Variants in FKBP5 observed in about 807,000 individuals in gnomAD.
FKBP5 encodes FKBP prolyl isomerase 5.
A neutral mutation model predicts 50.5 loss-of-function variants in FKBP5; 23 were observed. That is an observed-to-expected ratio of 0.46 (90% CI 0.33 to 0.65). The LOEUF is 0.65. Among genes scored for constraint, FKBP5 ranks in the 30% least tolerant of loss-of-function variants. The pLI, the probability that FKBP5 is intolerant of heterozygous loss-of-function variation, is 0.02. For synonymous variants in FKBP5, 176 were observed against 190.6 expected (o/e 0.92, Z 0.63); for missense variants, 411 against 553.1 (o/e 0.74, Z 2.58).
chr6:35,589,673 A>G (rs1561846876), intron 7 of FKBP5, among the ~76,000 whole-genome samples: 1 of 152,246 alleles, frequency 6.6e-6, no homozygotes, highest in African/African-American at 2.4e-5. Flanking sequence ...GTAAAGCCAT[A>G]GGTCTAAATA....
chr6:35,726,980 G>A (rs572922418), intron 1 of FKBP5, among the ~76,000 whole-genome samples: 7 of 152,212 alleles, frequency 4.6e-5, no homozygotes, highest in East Asian at 3.8e-4. Flanking sequence ...ACGCTGTGCC[G>A]TGAGAAAGGT....
chr6:35,716,391 A>G (rs1766512745), intron 2 of FKBP5, among the ~76,000 whole-genome samples: 1 of 152,108 alleles, frequency 6.6e-6, no homozygotes, highest in South Asian at 2.1e-4. Context: ...AATAGGGAAG[A>G]CAACAGGAAG....
At chr6:35,637,464 T>A (rs1443771634) in intron 2 of FKBP5, among the ~76,000 whole-genome samples, 2 of 139,460 alleles carry the variant, frequency 1.4e-5, no homozygotes, top group Non-Finnish European at 3.1e-5. Context: ...ACTCTTTTTT[T>A]TTTTTTTTTT....
At chr6:35,716,302 G>A (rs1473441458) in intron 2 of FKBP5, among the ~76,000 whole-genome samples, 1 of 152,164 alleles carries the variant, frequency 6.6e-6, no homozygotes, top group African/African-American at 2.4e-5. Flanking sequence ...GAGCCCAGGA[G>A]TCCAAGGTTG....
At chr6:35,576,447 GGAACCCTT>G (rs1376214571) in intron 10 of FKBP5, among the ~76,000 whole-genome samples, 1 of 152,122 alleles carries the variant, frequency 6.6e-6, no homozygotes, top group African/African-American at 2.4e-5. Context: ...CAAAGCAGGA[GGAACCCTT>G]GAAGCCAGGG....
intron 8 of FKBP5, chr6:35,586,251 G>A (rs1762594623): frequency 4.1e-6 from 4 of 984,998 alleles, no homozygotes; most frequent in South Asian, 9.4e-5. Flanking sequence ...TAAGATCTAA[G>A]TGAGAAAATA....
At chr6:35,634,145 T>TA (rs1209875588) in intron 3 of FKBP5, among the ~76,000 whole-genome samples, 2 of 152,102 alleles carry the variant, frequency 1.3e-5, no homozygotes, top group Non-Finnish European at 2.9e-5. Context: ...AGATAACTGC[T>TA]AAAAGGACCT....
chr6:35,592,247 C>CCT (rs143799894), intron 6 of FKBP5, among the ~76,000 whole-genome samples: 55 of 152,312 alleles, frequency 3.6e-4, no homozygotes, highest in African/African-American at 1.3e-3. Context: ...TAATCTAATA[C>CCT]CTCCAGTTTT....
At chr6:35,682,935 T>C (rs569623769) in intron 1 of FKBP5, among the ~76,000 whole-genome samples, 84 of 150,176 alleles carry the variant, frequency 5.6e-4, no homozygotes, top group African/African-American at 2.0e-3. Flanking sequence ...AAAAAGTATA[T>C]ATATATATAT....
intron 8 of FKBP5, chr6:35,582,243 C>T (rs1762455123): frequency 1.0e-6 from 1 of 985,402 alleles, no homozygotes; most frequent in Non-Finnish European, 1.2e-6. Context: ...TTCATAAGAA[C>T]ACGAAACCAG....
At chr6:35,600,322 G>A (rs1276686839) in intron 5 of FKBP5, among the ~76,000 whole-genome samples, 1 of 152,054 alleles carries the variant, frequency 6.6e-6, no homozygotes, top group South Asian at 2.1e-4. Flanking sequence ...AGAGGCTGAG[G>A]TGGGAGGATT....
At chr6:35,714,672 C>T (rs183975200) in intron 2 of FKBP5, among the ~76,000 whole-genome samples, 6 of 151,600 alleles carry the variant, frequency 4.0e-5, no homozygotes, top group Non-Finnish European at 8.8e-5. Flanking sequence ...CAAAAATTAG[C>T]TGAGCATGGT....
At chr6:35,603,218 TACAGAG>T (rs1675876768) in intron 5 of FKBP5, among the ~76,000 whole-genome samples, 1 of 152,238 alleles carries the variant, frequency 6.6e-6, no homozygotes. Flanking sequence ...AGTGTGGATA[TACAGAG>T]ACAAACTAAA....
chr6:35,606,901 G>C (rs919567466), intron 5 of FKBP5, among the ~76,000 whole-genome samples: 8 of 152,086 alleles, frequency 5.3e-5, no homozygotes, highest in African/African-American at 1.9e-4. Context: ...CAGAAAGATA[G>C]CTGGCATTTA....
intron 1 of FKBP5, among the ~76,000 whole-genome samples, chr6:35,725,625 C>T (rs1766693087): frequency 2.0e-5 from 3 of 152,098 alleles, no homozygotes. Context: ...AAGCAGGAGA[C>T]TCATTTCTTG....
chr6:35,674,888 T>A (rs1765485475), intron 1 of FKBP5, among the ~76,000 whole-genome samples: 1 of 152,210 alleles, frequency 6.6e-6, no homozygotes. Context: ...CCACTTACCA[T>A]TGGATCTAGG....
chr6:35,647,610 G>A (rs1437106340), intron 1 of FKBP5, among the ~76,000 whole-genome samples: 1 of 152,172 alleles, frequency 6.6e-6, no homozygotes, highest in Admixed American at 6.5e-5. Flanking sequence ...CTAGGTCTGG[G>A]GTCAGCCCCA....
intron 4 of FKBP5, 39 bp downstream of exon 4, chr6:35,620,093 G>C (rs761672856): frequency 2.4e-5 from 38 of 1,613,106 alleles, no homozygotes; most frequent in Non-Finnish European, 3.1e-5. Flanking sequence ...TCCTATTGTA[G>C]AGCAGATGCT....
chr6:35,699,164 G>A (rs747050323), intron 2 of FKBP5, among the ~76,000 whole-genome samples: 11 of 152,292 alleles, frequency 7.2e-5, no homozygotes, highest in Non-Finnish European at 1.6e-4. Context: ...CCCTAGCTGT[G>A]ATGTTGGCAA....
Sources: allele counts gnomAD v4.1 joint callset (sites outside exome capture counted in the v4.1 genomes callset), GRCh38; gene constraint gnomAD v4.1.1; transcripts MANE v1.5; gene names NCBI Gene and HGNC (gene_info 2026-07-23, HGNC 2026-07-21).